Variants in TERB1 observed in about 807,000 individuals in gnomAD.
TERB1 encodes the protein telomere repeats-binding bouquet formation protein 1.
In TERB1, 63 loss-of-function variants were observed where a neutral mutation model predicts 92.3. The observed-to-expected ratio is 0.68, with a 90% confidence interval of 0.56 to 0.84. The LOEUF (loss-of-function observed/expected upper bound fraction) is 0.84. TERB1 is among the 40% of genes least tolerant of loss of function. The pLI, the probability that TERB1 is intolerant of heterozygous loss-of-function variation, is 0.00. For synonymous variants in TERB1, 252 were observed against 283.9 expected, an observed-to-expected ratio of 0.89 and a Z score of 1.13; for missense variants, 709 against 843.7, an observed-to-expected ratio of 0.84 and a Z score of 1.98.
At position 66,793,940 on chromosome 16, in the gene TERB1, TTATC is replaced by T. The variant is rs1359475683; in HGVS notation, c.31+2824_31+2827del. On this transcript the variant is annotated intron_variant, in intron 3 of 18. Coordinates refer to ENST00000433154, the MANE Select transcript of TERB1 (RefSeq NM_001136505.2). ...AGATGCTTTTAGCAACAGCAAATATTTATCTATCATTTTGTACACTAACAGACAC... is the reference window on the plus strand; with the variant it reads ...AGATGCTTTTAGCAACAGCAAATATTTATCATTTTGTACACTAACAGACAC... Among the ~76,000 whole-genome samples, 4 of 152,322 alleles carry T rather than the reference TTATC, an allele frequency of 2.6e-5. No individual in the cohort carries two copies. In the East Asian group the frequency reaches 5.8e-4, roughly 22 times the overall value.
chr16:66,787,239 C>T (rs540745081), intron 6 of TERB1, among the ~76,000 whole-genome samples: 1 of 152,036 alleles, frequency 6.6e-6, no homozygotes, highest in South Asian at 2.1e-4. Flanking sequence ...GCTGGTAGTA[C>T]AGGTGTGTGC....
chr16:66,800,391 A>ACTT (rs1959239416), intron 2 of TERB1, among the ~76,000 whole-genome samples: 1 of 117,838 alleles, frequency 8.5e-6, no homozygotes. Flanking sequence ...AAATAAAGAA[A>ACTT]GTTTTTTTTT....
intron 3 of TERB1, 89 bp from the exon 4 acceptor site, chr16:66,791,108 G>T: frequency 1.6e-6 from 1 of 622,910 alleles, no homozygotes; most frequent in Non-Finnish European, 2.6e-6. Context: ...ACATATCTTT[G>T]GAATGGTCAA....
intron 16 of TERB1, among the ~76,000 whole-genome samples, chr16:66,765,030 T>C (rs2145089025): frequency 1.3e-5 from 2 of 152,328 alleles, no homozygotes; most frequent in Admixed American, 1.3e-4. Flanking sequence ...GCGTAGGTGC[T>C]ATAGACTAGG....
chr16:66,790,847 T>C lies in TERB1; in HGVS notation c.142+62A>G, dbSNP rs1458630110. 157 of 1,396,478 alleles carry C rather than the reference T, an allele frequency of 1.1e-4. 1 individual carries two copies. Among genetic ancestry groups the C allele is most frequent in the Non-Finnish European group, 8.1e-5 (82 of 1,013,310 alleles). 86.5% of individuals were successfully genotyped at this position (1,396,478 alleles called of 1,614,324 possible). ...AATGGAAGATAAAGAACTATGCTTA[T>C]TTGATATATCAGAGTACTAAAGAAC... is the stretch of plus-strand genomic sequence containing the variant. On this transcript the variant is annotated intron_variant, in intron 4 of 18. Transcript: ENST00000433154.
rs563592977 is a variant in TERB1 at position 66,793,035 on chromosome 16, T to C, written c.32-2016A>G. On this transcript the variant is annotated intron_variant, in intron 3 of 18. Transcript: ENST00000433154. ...AATTTTATTTTATTTTATTTTGCAC[T>C]CCAACCTGGACAATAAGAGCAAGAC... is the stretch of plus-strand genomic sequence containing the variant. Among the ~76,000 whole-genome samples the C allele has an allele frequency of 3.3e-5, 5 of 150,866 alleles. No homozygotes were observed. The South Asian group carries it at 8.4e-4, about 25-fold the overall frequency.
intron 16 of TERB1, among the ~76,000 whole-genome samples, chr16:66,761,069 G>A (rs1488596652): frequency 1.6e-5 from 2 of 128,412 alleles, no homozygotes; most frequent in East Asian, 2.3e-4. Context: ...CTGAGATCGC[G>A]ACTGCACTCC....
chr16:66,775,212 A>G lies in TERB1; in HGVS notation c.1017T>C (p.Asn339=). 1.3e-6 allele frequency: 2 copies of G among 1,551,238 alleles called. No homozygotes were observed. Among genetic ancestry groups the G allele is most frequent in the Non-Finnish European group, 1.7e-6 (2 of 1,146,584 alleles). Residue 339 remains asparagine (N), a synonymous_variant, in exon 12 of 19, where the codon AAT becomes AAC. Coordinates refer to ENST00000433154, the MANE Select transcript of TERB1 (RefSeq NM_001136505.2). Reference sequence around the variant, plus strand: ...AGGCTTGAATCATGAGTGGAAGCCCATTGTTTTTAAAAAGGTCATACTGAT... The same window carrying G: ...AGGCTTGAATCATGAGTGGAAGCCCGTTGTTTTTAAAAAGGTCATACTGAT... ...EENQYDLFKN[N]GLPLMIQALT... is the part of the protein sequence containing the mutation.
chr16:66,796,801 T>G lies in TERB1; in HGVS notation c.-3A>C, dbSNP rs536205611. On this transcript the variant is annotated 5_prime_UTR_variant, in exon 3 of 19. Coordinates refer to ENST00000433154, the MANE Select transcript of TERB1 (RefSeq NM_001136505.2). ...TTCTTTGTGTCTTCACTTTCCATGC[T>G]TGTCTATATTCTTTTTCCTTATATT... 1.3e-6 allele frequency: 2 copies of G among 1,526,262 alleles called. No individual in the cohort carries two copies. Among genetic ancestry groups the G allele is most frequent in the African/African-American group, 2.8e-5 (2 of 72,620 alleles). The allele number at this position is 1,526,262 out of a possible 1,614,324, so 94.5% of individuals were successfully genotyped here.
chr16:66,773,308 C>T (rs1363326620), intron 12 of TERB1, among the ~76,000 whole-genome samples: 2 of 152,126 alleles, frequency 1.3e-5, no homozygotes, highest in East Asian at 1.9e-4. Context: ...CACTCCAGCC[C>T]TGGCGACAGA....
Position 66,789,581 on chromosome 16 carries a change from C to A in TERB1, c.271+1014G>T, listed in dbSNP as rs1249561389. Among the ~76,000 whole-genome samples the A allele has an allele frequency of 1.7e-3, 3 of 1,796 alleles. 1 individual carries two copies. The highest frequency in any genetic ancestry group is 2.4e-3 in the Non-Finnish European group (3 of 1,274). 1.2% of individuals were successfully genotyped at this position (1,796 alleles called of 152,430 possible). Reference sequence around the variant, plus strand: ...CCTGGGCGACAGAGCGAGACTCCGTCTCAAAAAAAAAAAAAAAAAAAAAAA... The same window carrying A: ...CCTGGGCGACAGAGCGAGACTCCGTATCAAAAAAAAAAAAAAAAAAAAAAA... On this transcript the variant is annotated intron_variant, in intron 5 of 18. Coordinates refer to ENST00000433154, the MANE Select transcript of TERB1 (RefSeq NM_001136505.2).
At chr16:66,778,202 C>T (rs533547318) in intron 10 of TERB1, among the ~76,000 whole-genome samples, 1 of 152,246 alleles carries the variant, frequency 6.6e-6, no homozygotes, top group South Asian at 2.1e-4. Context: ...GTATTCTTTA[C>T]ATAAATTGGG....
rs1413022104 is a variant in TERB1 at position 66,756,098 on chromosome 16, A to AC, written c.1997-936_1997-935insG. On this transcript the variant is annotated intron_variant, in intron 18 of 18. Coordinates refer to ENST00000433154, the MANE Select transcript of TERB1 (RefSeq NM_001136505.2). ...TTTCTGGTGATGATTACTAGGAAAT[A>AC]GTTTTCTTTAAGCTTTTTCATTCAT... Among the ~76,000 whole-genome samples the AC allele has an allele frequency of 2.0e-5, 3 of 152,350 alleles. No homozygotes were observed. The East Asian group carries it at 5.8e-4, about 29-fold the overall frequency.
chr16:66,763,951 A>G (rs8061964), intron 16 of TERB1, among the ~76,000 whole-genome samples: 74,421 of 151,996 alleles, frequency 0.49, 18,986 homozygotes, highest in East Asian at 0.63. Flanking sequence ...GTGAAAAAGC[A>G]TAGTATTCAG....
rs1176270319 is a variant in TERB1 at position 66,796,829 on chromosome 16, G to T, written c.-31C>A. ...TCTATATTCTTTTTCCTTATATTTTGTCTATAAGATAAAGGTATTTTCTCA... is the reference window on the plus strand; with the variant it reads ...TCTATATTCTTTTTCCTTATATTTTTTCTATAAGATAAAGGTATTTTCTCA... On this transcript the variant is annotated splice_region_variant and 5_prime_UTR_variant, in exon 3 of 19. Coordinates refer to ENST00000433154, the MANE Select transcript of TERB1 (RefSeq NM_001136505.2). 12 of 1,415,698 alleles carry T rather than the reference G, an allele frequency of 8.5e-6. No homozygotes were observed. Among genetic ancestry groups the T allele is most frequent in the Admixed American group, 2.0e-5 (1 of 50,108 alleles). 87.7% of individuals were successfully genotyped at this position (1,415,698 alleles called of 1,614,324 possible).
Position 66,770,425 on chromosome 16 carries a change from T to C in TERB1, c.1273-116A>G, listed in dbSNP as rs1027069123. On this transcript the variant is annotated intron_variant, in intron 13 of 18. Transcript: ENST00000433154. The stretch of plus-strand genomic sequence containing the variant: ...AAAGTTTATGATTGCCAATAGAACA[T>C]ATATGATAAAAGGCAGTTTACATTA... 7.0e-6 allele frequency: 5 copies of C among 713,080 alleles called. No homozygotes were observed. In the African/African-American group the frequency reaches 7.2e-5, roughly 10 times the overall value. The allele number at this position is 713,080 out of a possible 1,614,324, so 44.2% of individuals were successfully genotyped here. A position where few individuals can be genotyped will look rare whatever the true frequency, so the allele number is the denominator to read the frequency against.
chr16:66,778,947 C>G lies in TERB1; in HGVS notation c.769G>C (p.Glu257Gln), dbSNP rs1211564848. ...GAAAGAGTCTCATGTGAATCAGATTCCAGCTGCATGAGAACTTGAGACAAT... is the reference window on the plus strand; with the variant it reads ...GAAAGAGTCTCATGTGAATCAGATTGCAGCTGCATGAGAACTTGAGACAAT... ...DVLSQVLMQL[E>Q]SDSHETLSSA... The change falls in exon 10 of 19, where the codon GAA (glutamate) becomes CAA (glutamine). Residue 257 changes from glutamate (E) to glutamine (Q), a missense_variant. Physicochemically the swap from Glu to Gln is conservative, Grantham distance 29 (BLOSUM62 2). Transcript: ENST00000433154. The G allele has an allele frequency of 6.5e-7, 1 of 1,536,758 alleles. No homozygotes were observed. Among genetic ancestry groups the G allele is most frequent in the South Asian group, 1.2e-5 (1 of 82,908 alleles).
At chr16:66,791,161 C>T in intron 3 of TERB1, 142 bp from the exon 4 acceptor site, 1 of 465,642 alleles carries the variant, frequency 2.1e-6, no homozygotes, top group Non-Finnish European at 3.8e-6. Flanking sequence ...AATCCAACAA[C>T]CATGTATTTT....
rs1555507526 is a variant in TERB1 at position 66,761,465 on chromosome 16, AAAAG to A, written c.1781-2179_1781-2176del. 4.3e-4 allele frequency among the ~76,000 whole-genome samples: 64 copies of A among 149,186 alleles called. 2 individuals carry two copies. Among genetic ancestry groups the A allele is most frequent in the African/African-American group, 5.2e-4 (21 of 40,290 alleles). ...AGACTCTGTCTCAAAAAAAAAAAAA[AAAAG>A]AAAGAAAGAAAGAAAAGAAAAGAGC... On this transcript the variant is annotated intron_variant, in intron 16 of 18. Transcript: ENST00000433154.
Sources: gnomAD v4.1 joint callset for allele counts (sites outside exome capture counted in the v4.1 genomes callset) on GRCh38, gnomAD v4.1.1 for gene constraint, MANE v1.5 for transcripts, NCBI Gene and HGNC (gene_info 2026-07-23, HGNC 2026-07-21) for gene names.